Variants in GSN observed in about 807,000 individuals in gnomAD.
The protein encoded by GSN is gelsolin.
In GSN, 56 loss-of-function variants were observed where a neutral mutation model predicts 85.7. That is an observed-to-expected ratio of 0.65 (90% CI 0.53 to 0.82). GSN has a LOEUF of 0.82. Among genes scored for constraint, GSN ranks in the 40% least tolerant of loss-of-function variants. GSN has a pLI of 0.00. For synonymous variants in GSN, 373 were observed against 399.1 expected (o/e 0.93, Z 0.78); for missense variants, 857 against 979.8 (o/e 0.87, Z 1.67).
At chr9:121,223,140 C>T (rs1360661573) in intron 4 of GSN, 1 of 152,156 alleles carries the variant, frequency 6.6e-6, no homozygotes, top group South Asian at 2.1e-4. Context: ...AGTGCGCATG[C>T]TTGAGCCCAC....
chr9:121,260,549 C>A (rs1332439917), intron 6 of GSN, among the ~76,000 whole-genome samples: 1 of 152,222 alleles, frequency 6.6e-6, no homozygotes, highest in African/African-American at 2.4e-5. Flanking sequence ...GACAGGAAAC[C>A]TGTGCTGGGG....
At chr9:121,282,051 G>T (rs1170234636) in intron 2 of GSN, 2 of 473,706 alleles carry the variant, frequency 4.2e-6, no homozygotes, top group African/African-American at 4.0e-5. Context: ...GATGAGTCAT[G>T]CCCGCTGGGG....
At chr9:121,231,766 GA>G (rs557636561) in intron 5 of GSN, among the ~76,000 whole-genome samples, 43 of 152,104 alleles carry the variant, frequency 2.8e-4, no homozygotes, top group Admixed American at 2.2e-3. Context: ...GGAAAGATGG[GA>G]AAAAATTTTA....
chr9:121,208,660 T>C (rs1448870530), intron 1 of GSN, among the ~76,000 whole-genome samples: 1 of 152,202 alleles, frequency 6.6e-6, no homozygotes, highest in African/African-American at 2.4e-5. Flanking sequence ...GACCCAGAAG[T>C]TGTACCTATT....
Position 121,332,674 on chromosome 9 carries a change from G to GA in GSN, c.*72dup. The GA allele has an allele frequency of 8.5e-7, 1 of 1,174,742 alleles. No individual in the cohort carries two copies. Among genetic ancestry groups the GA allele is most frequent in the Non-Finnish European group, 1.2e-6 (1 of 800,078 alleles). 72.8% of individuals were successfully genotyped at this position (1,174,742 alleles called of 1,614,324 possible). A position where few individuals can be genotyped will look rare whatever the true frequency, so the allele number is the denominator to read the frequency against. On this transcript the variant is annotated 3_prime_UTR_variant, in exon 18 of 18. Coordinates refer to ENST00000432226, the MANE Select transcript of GSN (RefSeq NM_198252.3). The surrounding 1 kb of genome is among the most constrained non-coding windows in gnomAD (Gnocchi z 4.8). ...CTGTCCTTCCCTCAAAGAGGCCTTA[G>GA]AGCGAGCAGAGCAGCTCTGCTATGA...
At position 121,281,542 on chromosome 9, in the gene GSN, C is replaced by T. The variant is rs2057362723; in HGVS notation, c.-30C>T. On this transcript the variant is annotated 5_prime_UTR_variant, in exon 2 of 18. Coordinates refer to ENST00000432226, the MANE Select transcript of GSN (RefSeq NM_198252.3). Reference sequence around the variant, plus strand: ...CGCCTTCCCACGGAGCAGCACTCTTCACCCTGCACAGCCTTGTTAGGTAGG... The same window carrying T: ...CGCCTTCCCACGGAGCAGCACTCTTTACCCTGCACAGCCTTGTTAGGTAGG... The T allele has an allele frequency of 2.2e-6, 1 of 445,924 alleles. No homozygotes were observed. The highest frequency in any genetic ancestry group is 2.0e-5 in the African/African-American group (1 of 49,524). The allele number at this position is 445,924 out of a possible 1,614,324, so 27.6% of individuals were successfully genotyped here.
In GSN at chr9:121,299,883, C is replaced by T. The variant is rs945394105; in HGVS notation, c.-9-2080C>T. ...CACCATGGCTCCGCACCGCCCCGCGCCCGCGCTGCTTTGCGCGCTGTCCCT... is the reference window on the plus strand; with the variant it reads ...CACCATGGCTCCGCACCGCCCCGCGTCCGCGCTGCTTTGCGCGCTGTCCCT... On this transcript the variant is annotated intron_variant, in intron 2 of 17. Transcript: ENST00000432226. This position sits in a 1 kb window ranked among gnomAD's most constrained non-coding sequence, Gnocchi z 4.2. 7.6e-7 allele frequency: 1 copy of T among 1,321,746 alleles called. No homozygotes were observed. The highest frequency in any genetic ancestry group is 9.7e-7 in the Non-Finnish European group (1 of 1,026,454). 81.9% of individuals were successfully genotyped at this position (1,321,746 alleles called of 1,614,324 possible). A position where few individuals can be genotyped will look rare whatever the true frequency, so the allele number is the denominator to read the frequency against.
At position 121,326,769 on chromosome 9, in the gene GSN, G is replaced by A. The variant is rs747372499; in HGVS notation, c.1587+87G>A. The A allele has an allele frequency of 1.4e-5, 16 of 1,174,170 alleles. No homozygotes were observed. The South Asian group carries it at 1.8e-4, about 13-fold the overall frequency. The allele number at this position is 1,174,170 out of a possible 1,614,324, so 72.7% of individuals were successfully genotyped here. ...ACCAGATCTCCAGGCACAGGAACGG[G>A]GGCAGGGGATGGTGAATGACGGGGT... On this transcript the variant is annotated intron_variant, in intron 13 of 17. Coordinates refer to ENST00000432226, the MANE Select transcript of GSN (RefSeq NM_198252.3).
At chr9:121,331,329 C>T in intron 16 of GSN, 59 bp from the exon 17 acceptor site, 1 of 1,100,260 alleles carries the variant, frequency 9.1e-7, no homozygotes, top group Non-Finnish European at 1.4e-6. Flanking sequence ...CAGTCTTCCT[C>T]CAGCCGTGAA....
intron 4 of GSN, among the ~76,000 whole-genome samples, chr9:121,223,428 T>C (rs2054209641): frequency 6.6e-6 from 1 of 152,096 alleles, no homozygotes; most frequent in South Asian, 2.1e-4. Context: ...AAGACCCCTA[T>C]AGAATCAGGT....
Position 121,212,782 on chromosome 9 carries a change from T to C in GSN, c.-528+1915T>C, listed in dbSNP as rs144782759. ...CCTCAGACTCCCGAGCAGCTGGGAC[T>C]ACAGGTGCGCACCACCACGCCTGGC... On this transcript the variant is annotated intron_variant, in intron 4 of 24. Coordinates refer to the GSN transcript ENST00000373823. Among the ~76,000 whole-genome samples the C allele has an allele frequency of 8.4e-4, 128 of 152,086 alleles. No individual in the cohort carries two copies. The Middle Eastern group carries it at 0.01, about 12-fold the overall frequency.
At chr9:121,230,745 T>C (rs1490162815) in intron 4 of GSN, among the ~76,000 whole-genome samples, 2 of 152,156 alleles carry the variant, frequency 1.3e-5, no homozygotes, top group Non-Finnish European at 2.9e-5. Context: ...TGATGCTCAA[T>C]AGACAAAAGC....
At chr9:121,224,629 C>G (rs2054238255) in intron 4 of GSN, among the ~76,000 whole-genome samples, 1 of 151,686 alleles carries the variant, frequency 6.6e-6, no homozygotes, top group Non-Finnish European at 1.5e-5. Context: ...GACTTTCCTG[C>G]CACCAATGTT....
At chr9:121,230,421 A>G (rs1358768778) in intron 4 of GSN, among the ~76,000 whole-genome samples, 1 of 152,242 alleles carries the variant, frequency 6.6e-6, no homozygotes, top group Non-Finnish European at 1.5e-5. Flanking sequence ...CTGTCTGCGC[A>G]CAGAGCTTGC....
upstream of GSN, among the ~76,000 whole-genome samples, chr9:121,206,336 T>C (rs191551293): frequency 4.6e-5 from 7 of 152,152 alleles, no homozygotes; most frequent in Admixed American, 4.6e-4. Context: ...ACTTCAAAAT[T>C]TAGTAGGTTG....
intron 5 of GSN, among the ~76,000 whole-genome samples, chr9:121,240,317 G>GATTCAACTCATAACA (rs745522966): frequency 2.0e-5 from 3 of 152,154 alleles, no homozygotes; most frequent in Admixed American, 6.6e-5. Flanking sequence ...AGGGGTTGGG[G>GATTCAACTCATAACA]ATTCAACTCA....
chr9:121,222,539 GTC>G (rs1554774128), intron 4 of GSN, among the ~76,000 whole-genome samples: 2 of 152,166 alleles, frequency 1.3e-5, no homozygotes, highest in Non-Finnish European at 2.9e-5. Flanking sequence ...GTTTGGAATT[GTC>G]TCTGTACATT....
intron 4 of GSN, among the ~76,000 whole-genome samples, chr9:121,215,374 G>A (rs889361869): frequency 2.0e-5 from 3 of 151,734 alleles, no homozygotes; most frequent in African/African-American, 2.4e-5. Context: ...AATTCAACCC[G>A]TAACATTGGT....
At chr9:121,288,649 G>T (rs1320976436) in intron 2 of GSN, among the ~76,000 whole-genome samples, 1 of 152,146 alleles carries the variant, frequency 6.6e-6, no homozygotes, top group Non-Finnish European at 1.5e-5. Context: ...AGTTGATAGG[G>T]CTGGGAGTCC....
Sources: allele counts gnomAD v4.1 joint callset (sites outside exome capture counted in the v4.1 genomes callset), GRCh38; gene constraint gnomAD v4.1.1; non-coding constraint Gnocchi (gnomAD v3.1); transcripts MANE v1.5; gene names NCBI Gene and HGNC (gene_info 2026-07-23, HGNC 2026-07-21).